Variants in SLC71A2 observed in about 807,000 individuals in gnomAD.
SLC71A2 encodes the protein hippocampus abundant transcript-like 1.
chr9:94,419,456 G>T, the SLC71A2 span, among the ~76,000 whole-genome samples: 1 of 151,280 alleles, frequency 6.6e-6, no homozygotes, highest in Non-Finnish European at 1.5e-5. Flanking sequence ...ACCATGCCTG[G>T]CTCTTTTTTT....
At chr9:94,415,345 G>T in the SLC71A2 span, 1 of 920,616 alleles carries the variant, frequency 1.1e-6, no homozygotes, top group Non-Finnish European at 1.8e-6. Context: ...ACGTGTTTGG[G>T]AGTAGCTCTT....
chr9:94,447,266 A>G, the SLC71A2 span, among the ~76,000 whole-genome samples: 1 of 150,834 alleles, frequency 6.6e-6, no homozygotes, highest in African/African-American at 2.4e-5. Flanking sequence ...TGCAACCTCT[A>G]CCTTCTGAGT....
At chr9:94,404,654 G>T in the SLC71A2 span, among the ~76,000 whole-genome samples, 42 of 152,204 alleles carry the variant, frequency 2.8e-4, no homozygotes, top group Middle Eastern at 3.4e-3. Flanking sequence ...TTTAGAGAGG[G>T]CTATTCAGTT....
the SLC71A2 span, among the ~76,000 whole-genome samples, chr9:94,439,605 G>T: frequency 6.8e-6 from 1 of 147,854 alleles, no homozygotes; most frequent in African/African-American, 2.5e-5. Context: ...GGAATTTTAT[G>T]CTAACACCTA....
At chr9:94,458,465 G>T in the SLC71A2 span, 2 of 1,613,516 alleles carry the variant, frequency 1.2e-6, no homozygotes, top group Non-Finnish European at 1.7e-6. Flanking sequence ...TCCCCTGCAG[G>T]TAATTTGGTC....
At chr9:94,375,255 A>G in the SLC71A2 span, among the ~76,000 whole-genome samples, 4 of 151,780 alleles carry the variant, frequency 2.6e-5, no homozygotes, top group East Asian at 1.9e-4. Context: ...CCAAGTCTAC[A>G]TGGAAAACAG....
the SLC71A2 span, chr9:94,460,801 AAAG>A: frequency 6.6e-6 from 1 of 152,630 alleles, no homozygotes; most frequent in Non-Finnish European, 1.5e-5. Context: ...AATACATTTA[AAAG>A]AAAATATATT....
chr9:94,417,853 ACCCCACCCCCC>A, the SLC71A2 span, among the ~76,000 whole-genome samples: 13 of 44,622 alleles, frequency 2.9e-4, no homozygotes, highest in African/African-American at 8.5e-4. Flanking sequence ...GCAAGTTCCC[ACCCCACCCCCC>A]CCCCCCCCCC....
chr9:94,426,497 C>G, the SLC71A2 span, among the ~76,000 whole-genome samples: 2 of 152,216 alleles, frequency 1.3e-5, no homozygotes, highest in South Asian at 4.1e-4. Context: ...CTTTTCTCAT[C>G]TGTTCTGTAT....
At chr9:94,410,053 T>C in the SLC71A2 span, among the ~76,000 whole-genome samples, 35 of 150,970 alleles carry the variant, frequency 2.3e-4, 1 homozygote, top group Non-Finnish European at 4.6e-4. Flanking sequence ...TTTGTGCCTT[T>C]TATTTTTAGA....
At chr9:94,448,157 C>T in the SLC71A2 span, among the ~76,000 whole-genome samples, 15 of 152,006 alleles carry the variant, frequency 9.9e-5, no homozygotes, top group African/African-American at 3.6e-4. Context: ...TATTTCAGAC[C>T]TGCCCTTGTT....
chr9:94,449,977 T>C, the SLC71A2 span, among the ~76,000 whole-genome samples: 7 of 152,360 alleles, frequency 4.6e-5, no homozygotes, highest in African/African-American at 1.7e-4. Context: ...CTGCACATTG[T>C]ATGATTTCAT....
At chr9:94,450,461 C>G in the SLC71A2 span, among the ~76,000 whole-genome samples, 3 of 145,672 alleles carry the variant, frequency 2.1e-5, no homozygotes, top group African/African-American at 7.8e-5. Context: ...AGGTCCTTTT[C>G]CTGAATTTTA....
chr9:94,388,770 GTTTC>G, the SLC71A2 span, among the ~76,000 whole-genome samples: 3 of 151,926 alleles, frequency 2.0e-5, no homozygotes, highest in African/African-American at 7.3e-5. Flanking sequence ...TTTCTTGCCT[GTTTC>G]TTTATTTTCA....
chr9:94,434,756 A>G, the SLC71A2 span, among the ~76,000 whole-genome samples: 1 of 152,328 alleles, frequency 6.6e-6, no homozygotes, highest in Admixed American at 6.5e-5. Flanking sequence ...CACAGTATTA[A>G]TAATGGCAAA....
At chr9:94,448,554 G>A in the SLC71A2 span, among the ~76,000 whole-genome samples, 5 of 152,184 alleles carry the variant, frequency 3.3e-5, no homozygotes, top group Admixed American at 3.3e-4. Flanking sequence ...TAAAAATGAA[G>A]TGTATTAAAT....
the SLC71A2 span, among the ~76,000 whole-genome samples, chr9:94,409,964 A>G: frequency 7.8e-5 from 11 of 141,004 alleles, no homozygotes; most frequent in African/African-American, 2.4e-4. Context: ...GAAGTCTTCT[A>G]TTTCTTGCTG....
the SLC71A2 span, chr9:94,459,203 A>G: frequency 1.9e-6 from 3 of 1,614,092 alleles, no homozygotes; most frequent in African/African-American, 1.3e-5. Context: ...TGGGGCATGT[A>G]TAGTCCTTAT....
chr9:94,438,425 C>T, the SLC71A2 span: 14 of 1,613,822 alleles, frequency 8.7e-6, no homozygotes, highest in Admixed American at 2.3e-4. Context: ...TTTGAGTGCC[C>T]CACTCATTGG....
Sources: allele counts gnomAD v4.1 joint callset (sites outside exome capture counted in the v4.1 genomes callset), GRCh38; gene constraint gnomAD v4.1.1; transcripts MANE v1.5; gene names NCBI Gene and HGNC (gene_info 2026-07-23, HGNC 2026-07-21).